Variants in TBC1D14 observed in about 807,000 individuals in gnomAD.
TBC1D14 encodes TBC1 domain family member 14.
In TBC1D14, 26 loss-of-function variants were observed where a neutral mutation model predicts 79.0. The observed-to-expected ratio is 0.33, with a 90% CI of 0.24 to 0.46. The LOEUF (loss-of-function observed/expected upper bound fraction) is 0.46, where lower values mean the gene tolerates loss of function less well. Among genes scored for constraint, TBC1D14 ranks in the 20% least tolerant of loss-of-function variants. TBC1D14 has a pLI of 1.00. For missense variants in TBC1D14, 769 were observed against 887.6 expected (o/e 0.87, Z 1.70); for synonymous variants, 394 against 349.9 (o/e 1.13, Z -1.40).
intron 4 of TBC1D14, 87 bp downstream of exon 4, chr4:6,994,389 G>C: frequency 8.5e-7 from 1 of 1,171,372 alleles, no homozygotes; most frequent in South Asian, 1.2e-5. Flanking sequence ...GAAAAACTAG[G>C]GTCAGAAAAG....
chr4:6,958,288 G>C (rs1042594816), intron 2 of TBC1D14, among the ~76,000 whole-genome samples: 4 of 151,918 alleles, frequency 2.6e-5, no homozygotes, highest in Non-Finnish European at 4.4e-5. Flanking sequence ...ACTGGGGGTC[G>C]AGGGGGTTAT....
At chr4:6,985,258 C>CA (rs1717720405) in intron 3 of TBC1D14, among the ~76,000 whole-genome samples, 1 of 152,176 alleles carries the variant, frequency 6.6e-6, no homozygotes, top group Non-Finnish European at 1.5e-5. Flanking sequence ...ATCTGATACC[C>CA]AGAGCATGTT....
chr4:6,927,919 G>A (rs1276007491), intron 2 of TBC1D14, among the ~76,000 whole-genome samples: 1 of 152,226 alleles, frequency 6.6e-6, no homozygotes, highest in African/African-American at 2.4e-5. Context: ...GATCATATGA[G>A]CCCAGTGTAG....
At position 6,984,334 on chromosome 4, in the gene TBC1D14, C is replaced by T. The variant is rs192400793; in HGVS notation, c.844-9850C>T. On this transcript the variant is annotated intron_variant, in intron 3 of 13. Transcript: ENST00000409757. ...CGTGGAGCAGTGGCTGGCATCCTGG[C>T]ATCCCATGGGAGCTTCGGCACGGTC... 6.4e-4 allele frequency among the ~76,000 whole-genome samples: 98 copies of T among 152,240 alleles called. 1 individual carries two copies. The highest frequency in any genetic ancestry group is 3.4e-3 in the Middle Eastern group (1 of 294).
At chr4:6,952,032 G>A (rs927777016) in intron 2 of TBC1D14, among the ~76,000 whole-genome samples, 5 of 152,166 alleles carry the variant, frequency 3.3e-5, no homozygotes, top group Admixed American at 2.0e-4. Context: ...ATGCCCCTTT[G>A]TGGAGTGACT....
Position 6,952,542 on chromosome 4 carries a change from A to G in TBC1D14, c.723-14762A>G, listed in dbSNP as rs79188000. ...CAGGGTTTTTTAAATTGCAAAAGTAATATGTGCTTGTTTGGTTTTTTAAAA... is the reference window on the plus strand; with the variant it reads ...CAGGGTTTTTTAAATTGCAAAAGTAGTATGTGCTTGTTTGGTTTTTTAAAA... On this transcript the variant is annotated intron_variant, in intron 2 of 13. Transcript: ENST00000409757. 3.6e-3 allele frequency among the ~76,000 whole-genome samples: 555 copies of G among 152,378 alleles called. 3 individuals carry two copies. The highest frequency in any genetic ancestry group is 0.012 in the African/African-American group (495 of 41,590).
At chr4:6,978,890 T>C (rs1717101039) in intron 3 of TBC1D14, among the ~76,000 whole-genome samples, 1 of 152,262 alleles carries the variant, frequency 6.6e-6, no homozygotes, top group South Asian at 2.1e-4. Flanking sequence ...GTTTTCTTAA[T>C]GAGTTATTTA....
At chr4:7,004,655 G>T (rs112945964) in intron 7 of TBC1D14, among the ~76,000 whole-genome samples, 189 bp from the exon 8 acceptor site, 1,524 of 152,310 alleles carry the variant, frequency 0.01, 26 homozygotes, top group African/African-American at 0.035. Flanking sequence ...TTTGTTTCAG[G>T]CTGTGTCTTT....
In TBC1D14 at chr4:7,025,229, C is replaced by G. The variant is rs1722237065; in HGVS notation, c.1983C>G (p.Ile661Met). 1 of 1,614,244 alleles carries G rather than the reference C, an allele frequency of 6.2e-7. No homozygotes were observed. The highest frequency in any genetic ancestry group is 1.3e-5 in the African/African-American group (1 of 75,062). Residue 661 changes from isoleucine to methionine, a missense_variant, in exon 13 of 14, where the codon ATC becomes ATG. Transcript: ENST00000409757. Reference sequence around the variant, plus strand: ...AGCTGTTTGCCTCCATCGCCACGATCCAGATGCAGAGCCGAAACAAGAAGT... The same window carrying G: ...AGCTGTTTGCCTCCATCGCCACGATGCAGATGCAGAGCCGAAACAAGAAGT... ...AEELFASIAT[I>M]QMQSRNKKWA...
chr4:6,935,447 G>C (rs4689563), intron 2 of TBC1D14, among the ~76,000 whole-genome samples: 11,331 of 152,080 alleles, frequency 0.075, 579 homozygotes, highest in Middle Eastern at 0.16. Context: ...CGTAGCAGGC[G>C]CCTGGGAGAG....
rs1721989440 is a variant in TBC1D14, at chr4:7,023,090, C to T, written c.1758-1914C>T. Reference sequence around the variant, plus strand: ...CCAAGATGGTGAAACCCCATCTTTACTAAAAATACAAAAATTAGCCGGGCA... The same window carrying T: ...CCAAGATGGTGAAACCCCATCTTTATTAAAAATACAAAAATTAGCCGGGCA... On this transcript the variant is annotated intron_variant, in intron 12 of 13. Transcript: ENST00000409757. 2.0e-5 allele frequency among the ~76,000 whole-genome samples: 3 copies of T among 151,966 alleles called. No individual in the cohort carries two copies. The South Asian group carries it at 6.2e-4, about 32-fold the overall frequency.
intron 13 of TBC1D14, among the ~76,000 whole-genome samples, chr4:7,025,767 C>CGCT (rs1722303816): frequency 6.6e-6 from 1 of 152,214 alleles, no homozygotes; most frequent in Non-Finnish European, 1.5e-5. Flanking sequence ...TCTTCCCATG[C>CGCT]GCTGCTGTGC....
chr4:6,938,598 C>T (rs774421366), intron 2 of TBC1D14, among the ~76,000 whole-genome samples: 2 of 152,166 alleles, frequency 1.3e-5, no homozygotes, highest in African/African-American at 2.4e-5. Context: ...AGGTGGGGCT[C>T]GCTCATTCAG....
chr4:7,026,542 C>T (rs1277628370), intron 13 of TBC1D14, among the ~76,000 whole-genome samples: 1 of 152,202 alleles, frequency 6.6e-6, no homozygotes. Flanking sequence ...TCTGTAATAT[C>T]TATGCCACGC....
chr4:6,929,464 CAG>C (rs918195711), intron 2 of TBC1D14, among the ~76,000 whole-genome samples: 22 of 152,112 alleles, frequency 1.4e-4, no homozygotes, highest in African/African-American at 4.6e-4. Flanking sequence ...AAAGAAGTAA[CAG>C]GGCTGAGATG....
intron 1 of TBC1D14, among the ~76,000 whole-genome samples, chr4:6,921,568 C>G (rs971158831): frequency 1.1e-4 from 16 of 152,172 alleles, no homozygotes; most frequent in Admixed American, 9.8e-4. Context: ...CCCTGTCGCC[C>G]AGGCTGGAGT....
intron 1 of TBC1D14, chr4:6,910,537 C>T (rs939684077): frequency 2.0e-5 from 3 of 152,306 alleles, no homozygotes; most frequent in Non-Finnish European, 4.4e-5. Context: ...TGGAGCCTCC[C>T]ATTACCGGGC....
chr4:6,960,890 G>A (rs537382440), intron 2 of TBC1D14, among the ~76,000 whole-genome samples: 2 of 152,328 alleles, frequency 1.3e-5, no homozygotes, highest in East Asian at 3.9e-4. Flanking sequence ...GGCCGAGAGA[G>A]GCCAGAATCG....
chr4:6,931,318 G>A lies in TBC1D14; in HGVS notation c.722+7207G>A, dbSNP rs192076325. On this transcript the variant is annotated intron_variant, in intron 2 of 13. Coordinates refer to ENST00000409757, the MANE Select transcript of TBC1D14 (RefSeq NM_020773.3). ...ATTGATTACCTCTCGATTGCAGAAT[G>A]TCTGCACTTCTTTTCCAGCCACTGG... Among the ~76,000 whole-genome samples, 7 of 152,338 alleles carry A rather than the reference G, an allele frequency of 4.6e-5. No homozygotes were observed. The East Asian group carries it at 1.2e-3, about 25-fold the overall frequency.
Sources: allele counts gnomAD v4.1 joint callset (sites outside exome capture counted in the v4.1 genomes callset), GRCh38; gene constraint gnomAD v4.1.1; transcripts MANE v1.5; gene names NCBI Gene and HGNC (gene_info 2026-07-23, HGNC 2026-07-21).